MARCHF8: variants seen among roughly 807,000 people sequenced by gnomAD.
MARCHF8 encodes E3 ubiquitin-protein ligase MARCHF8.
Under a neutral mutation model 51.6 loss-of-function variants are expected in MARCHF8, and 40 were observed. The ratio of observed to expected loss-of-function variants is 0.77; its 90% CI spans 0.60 to 1.01. The LOEUF (loss-of-function observed/expected upper bound fraction) is 1.01, where lower values mean the gene tolerates loss of function less well. MARCHF8 is among the 50% of genes least tolerant of loss of function. MARCHF8 has a pLI of 0.00. For missense variants in MARCHF8, 685 were observed against 708.6 expected, an observed-to-expected ratio of 0.97 and a Z score of 0.38; for synonymous variants, 263 against 280.3, an observed-to-expected ratio of 0.94 and a Z score of 0.62.
chr10:45,576,436 G>A (rs1433373637), intron 1 of MARCHF8, among the ~76,000 whole-genome samples: 1 of 152,160 alleles, frequency 6.6e-6, no homozygotes, highest in African/African-American at 2.4e-5. Flanking sequence ...TTTGCACAGA[G>A]TGTAGGCAAG....
At chr10:45,476,348 G>A (rs1224298697) in intron 3 of MARCHF8, among the ~76,000 whole-genome samples, 1 of 152,220 alleles carries the variant, frequency 6.6e-6, no homozygotes, top group Non-Finnish European at 1.5e-5. Flanking sequence ...AGGATTGCTT[G>A]AGGCTAGGAG....
chr10:45,556,760 T>C (rs2044255708), intron 1 of MARCHF8, among the ~76,000 whole-genome samples: 1 of 152,190 alleles, frequency 6.6e-6, no homozygotes, highest in African/African-American at 2.4e-5. Context: ...GCTCAATAAA[T>C]GTTAAATGAA....
intron 1 of MARCHF8, among the ~76,000 whole-genome samples, chr10:45,587,300 T>C (rs2044628779): frequency 7.1e-6 from 1 of 140,328 alleles, no homozygotes; most frequent in African/African-American, 2.8e-5. Flanking sequence ...TAGCAAGGAA[T>C]ACTTGAGAAA....
chr10:45,563,152 G>C (rs1028034730), intron 1 of MARCHF8, among the ~76,000 whole-genome samples: 2 of 152,024 alleles, frequency 1.3e-5, no homozygotes, highest in Non-Finnish European at 2.9e-5. Flanking sequence ...TCAGCTTTCG[G>C]GGTAGCTGGG....
chr10:45,502,972 G>A (rs2043308522), intron 2 of MARCHF8, among the ~76,000 whole-genome samples: 1 of 152,144 alleles, frequency 6.6e-6, no homozygotes, highest in African/African-American at 2.4e-5. Context: ...GGGCTCTGAA[G>A]GTATGCAATG....
chr10:45,461,589 G>A (rs1702632793), intron 5 of MARCHF8, 178 bp from the exon 6 acceptor site: 3 of 433,932 alleles, frequency 6.9e-6, no homozygotes, highest in Non-Finnish European at 1.2e-5. Flanking sequence ...AAAATGTCTA[G>A]CTTACCGCAC....
intron 1 of MARCHF8, among the ~76,000 whole-genome samples, chr10:45,575,779 C>A (rs2044482999): frequency 6.6e-6 from 1 of 152,162 alleles, no homozygotes; most frequent in African/African-American, 2.4e-5. Context: ...CCTGAAGTAA[C>A]TGAAGAATCA....
In MARCHF8 at chr10:45,535,192, C is replaced by T. The variant is rs1564507134; in HGVS notation, c.-79+19G>A. On this transcript the variant is annotated intron_variant, in intron 1 of 7. Coordinates refer to ENST00000453424, the MANE Select transcript of MARCHF8 (RefSeq NM_001282866.2). ...AATGTTTGTATTCAAGCACGTCACA[C>T]AAAACAAGAGGCACTTACTGCGGAG... The T allele has an allele frequency of 2.0e-5, 3 of 152,182 alleles. No homozygotes were observed. The highest frequency in any genetic ancestry group is 7.2e-5 in the African/African-American group (3 of 41,426). The allele number at this position is 152,182 out of a possible 1,614,324, so 9.4% of individuals were successfully genotyped here.
chr10:45,467,930 T>C (rs1161127976), intron 3 of MARCHF8, among the ~76,000 whole-genome samples: 1 of 152,006 alleles, frequency 6.6e-6, no homozygotes, highest in Admixed American at 6.6e-5. Flanking sequence ...GGTTGCCAAA[T>C]GACAGACTCT....
chr10:45,578,312 TATGA>T (rs1354739827), intron 1 of MARCHF8, among the ~76,000 whole-genome samples: 12 of 152,158 alleles, frequency 7.9e-5, no homozygotes, highest in Non-Finnish European at 1.2e-4. Flanking sequence ...TCTGGAGACA[TATGA>T]AAACACAGAA....
intron 1 of MARCHF8, among the ~76,000 whole-genome samples, chr10:45,572,225 C>A (rs1589188240): frequency 6.8e-6 from 1 of 147,232 alleles, no homozygotes; most frequent in Non-Finnish European, 1.5e-5. Context: ...AGCACCCCCT[C>A]ACCCCTTCTC....
intron 2 of MARCHF8, among the ~76,000 whole-genome samples, chr10:45,496,377 C>A (rs1001178498): frequency 6.6e-6 from 1 of 151,834 alleles, no homozygotes; most frequent in Non-Finnish European, 1.5e-5. Flanking sequence ...AATAGTAATA[C>A]AAGATAAGTG....
At chr10:45,459,587 C>G (rs927035773) in intron 6 of MARCHF8, among the ~76,000 whole-genome samples, 2 of 152,204 alleles carry the variant, frequency 1.3e-5, no homozygotes. Context: ...CTAATGAAAA[C>G]AGTATGTTGG....
At chr10:45,512,457 C>T (rs1163338515) in intron 2 of MARCHF8, among the ~76,000 whole-genome samples, 2 of 151,144 alleles carry the variant, frequency 1.3e-5, no homozygotes, top group Non-Finnish European at 3.0e-5. Flanking sequence ...CACCTCTGCC[C>T]GGCCGCCCCT....
chr10:45,538,155 C>A (rs796402442), upstream of MARCHF8, among the ~76,000 whole-genome samples: 4 of 152,088 alleles, frequency 2.6e-5, no homozygotes, highest in African/African-American at 9.7e-5. Context: ...AGAGTGGGGG[C>A]CAATATTCAA....
chr10:45,529,249 G>A (rs1183519610), intron 2 of MARCHF8, among the ~76,000 whole-genome samples: 3 of 152,146 alleles, frequency 2.0e-5, no homozygotes, highest in East Asian at 3.9e-4. Context: ...GGAGAATTGG[G>A]TAACCATATA....
At chr10:45,483,917 G>C (rs955180405) in intron 3 of MARCHF8, among the ~76,000 whole-genome samples, 4 of 152,114 alleles carry the variant, frequency 2.6e-5, no homozygotes, top group Admixed American at 6.5e-5. Flanking sequence ...AGGCAGGAGT[G>C]GGGGATAAAG....
chr10:45,585,869 CA>C (rs2044613195), intron 1 of MARCHF8, among the ~76,000 whole-genome samples: 1 of 152,092 alleles, frequency 6.6e-6, no homozygotes, highest in African/African-American at 2.4e-5. Flanking sequence ...AGAGTCCAAT[CA>C]TTTTTTTAAT....
upstream of MARCHF8, among the ~76,000 whole-genome samples, chr10:45,536,272 A>C (rs139103517): frequency 1.5e-3 from 224 of 152,278 alleles, no homozygotes; most frequent in East Asian, 5.2e-3. Flanking sequence ...GCTGATTTTC[A>C]AGAAGGGTGC....
Sources: gnomAD v4.1 joint callset for allele counts (sites outside exome capture counted in the v4.1 genomes callset) on GRCh38, gnomAD v4.1.1 for gene constraint, MANE v1.5 for transcripts, NCBI Gene and HGNC (gene_info 2026-07-23, HGNC 2026-07-21) for gene names.